Variants in HMGB1 observed in about 807,000 individuals in gnomAD.
HMGB1 encodes the protein high mobility group box 1, also known as high mobility group protein B1.
For synonymous variants in HMGB1, 81 were observed against 84.0 expected (o/e 0.96, Z 0.19); for missense variants, 79 against 253.5 (o/e 0.31, Z 4.67).
At chr13:30,553,941 C>T in intron 1 of HMGB1, 1 of 1,463,846 alleles carries the variant, frequency 6.8e-7, no homozygotes, top group Non-Finnish European at 9.6e-7. Context: ...GGGTCCACTT[C>T]CTAACATGTG....
intron 1 of HMGB1, among the ~76,000 whole-genome samples, chr13:30,552,059 C>G (rs1459562966): frequency 6.6e-6 from 1 of 152,128 alleles, no homozygotes; most frequent in Non-Finnish European, 1.5e-5. Flanking sequence ...ACAAGCCCAT[C>G]CCAGACTGCT....
At chr13:30,545,786 C>T (rs1326970609) in intron 1 of HMGB1, among the ~76,000 whole-genome samples, 1 of 152,116 alleles carries the variant, frequency 6.6e-6, no homozygotes, top group Middle Eastern at 3.2e-3. Flanking sequence ...GCCTCAACCT[C>T]CTGGGCTCAA....
chr13:30,499,956 G>T (rs1460461236), intron 1 of HMGB1, among the ~76,000 whole-genome samples: 1 of 152,180 alleles, frequency 6.6e-6, no homozygotes, highest in Non-Finnish European at 1.5e-5. Flanking sequence ...TGTCTTGGAA[G>T]CTTAATTGCC....
In HMGB1 at chr13:30,460,034, TAAGAA is replaced by T; in HGVS notation, c.*1318_*1322del. On this transcript the variant is annotated 3_prime_UTR_variant, in exon 5 of 5. Transcript: ENST00000341423. The stretch of plus-strand genomic sequence containing the variant: ...ACGCTATTTTAAAATACTGGCACTT[TAAGAA>T]AACGATAATCTCGAAAACCACAAAA... 6.6e-6 allele frequency: 1 copy of T among 152,592 alleles called. No homozygotes were observed. Among genetic ancestry groups the T allele is most frequent in the Non-Finnish European group, 1.5e-5 (1 of 67,994 alleles). The allele number at this position is 152,592 out of a possible 1,614,324, so 9.5% of individuals were successfully genotyped here.
intron 1 of HMGB1, among the ~76,000 whole-genome samples, chr13:30,554,982 G>T (rs1356700135): frequency 1.3e-5 from 2 of 148,880 alleles, no homozygotes; most frequent in Non-Finnish European, 3.0e-5. Flanking sequence ...GGTATGAGGA[G>T]CACCCACCAG....
chr13:30,539,504 A>C (rs950227023), intron 1 of HMGB1: 1 of 240,392 alleles, frequency 4.2e-6, no homozygotes, highest in Non-Finnish European at 8.0e-6. Flanking sequence ...ACTACGAAGG[A>C]AGGAAAAATA....
chr13:30,523,723 A>C (rs1386730086), intron 1 of HMGB1, among the ~76,000 whole-genome samples: 1 of 142,804 alleles, frequency 7.0e-6, no homozygotes. Context: ...TTCATTTGGC[A>C]TTTGTTTTTG....
At chr13:30,467,326 T>C (rs536371634), upstream of HMGB1, among the ~76,000 whole-genome samples, 1 of 152,258 alleles carries the variant, frequency 6.6e-6, no homozygotes, top group African/African-American at 2.4e-5. Flanking sequence ...TCGTGTTAAT[T>C]TGATTTTTTA....
At chr13:30,581,845 A>G (rs1021820386) in intron 1 of HMGB1, among the ~76,000 whole-genome samples, 2 of 152,190 alleles carry the variant, frequency 1.3e-5, no homozygotes, top group Non-Finnish European at 2.9e-5. Flanking sequence ...CCATGCTTCT[A>G]TACCTGGTTC....
chr13:30,555,033 G>GTTTTTTTTTTTTT (rs1007919529), intron 1 of HMGB1, among the ~76,000 whole-genome samples: 2 of 72,412 alleles, frequency 2.8e-5, no homozygotes, highest in African/African-American at 5.7e-5. Context: ...GTGTCGTTGT[G>GTTTTTTTTTTTTT]TTTTTTTTTT....
intron 1 of HMGB1, among the ~76,000 whole-genome samples, chr13:30,486,409 C>A (rs1033952821): frequency 1.3e-5 from 2 of 152,196 alleles, no homozygotes; most frequent in African/African-American, 4.8e-5. Flanking sequence ...CATTTGCCGG[C>A]TCTGGGGGAG....
intron 1 of HMGB1, among the ~76,000 whole-genome samples, chr13:30,476,548 T>C (rs1887102485): frequency 6.6e-6 from 1 of 152,150 alleles, no homozygotes; most frequent in South Asian, 2.1e-4. Flanking sequence ...GTGTCTCCCA[T>C]GTGCTAAGCA....
rs1566025261 is a variant in HMGB1 at position 30,559,985 on chromosome 13, G to A, written c.-15+56686C>T. On this transcript the variant is annotated intron_variant, in intron 1 of 4. Coordinates refer to the HMGB1 transcript ENST00000405805. This position sits in a 1 kb window ranked among gnomAD's most constrained non-coding sequence, Gnocchi z 6.6. ...GATGTCACGTGTTTCTCACCATTGA[G>A]ACCCCCAAGGCACCCCCTCCCAGCA... Among the ~76,000 whole-genome samples, 1 of 152,098 alleles carries A rather than the reference G, an allele frequency of 6.6e-6. No homozygotes were observed. Among genetic ancestry groups the A allele is most frequent in the Admixed American group, 6.5e-5 (1 of 15,270 alleles).
intron 1 of HMGB1, chr13:30,465,040 G>T: frequency 2.2e-6 from 1 of 446,310 alleles, no homozygotes; most frequent in East Asian, 1.6e-4. Flanking sequence ...GAGAACGCGG[G>T]GCTGTGAAAA....
At chr13:30,468,682 T>G (rs1886855876), upstream of HMGB1, among the ~76,000 whole-genome samples, 2 of 152,238 alleles carry the variant, frequency 1.3e-5, no homozygotes, top group Non-Finnish European at 2.9e-5. Context: ...AACCACCACT[T>G]GCAGGCAATT....
intron 1 of HMGB1, among the ~76,000 whole-genome samples, chr13:30,487,529 CTA>C (rs1230551157): frequency 6.6e-6 from 1 of 152,194 alleles, no homozygotes; most frequent in African/African-American, 2.4e-5. Context: ...TTCTACCAAC[CTA>C]TATATAAACT....
intron 1 of HMGB1, among the ~76,000 whole-genome samples, chr13:30,506,172 T>C (rs1169328838): frequency 1.2e-4 from 18 of 152,054 alleles, no homozygotes; most frequent in Non-Finnish European, 2.2e-4. Flanking sequence ...CCTTCCCAGG[T>C]GGCAGCATCA....
chr13:30,552,157 G>A (rs1226395813), intron 1 of HMGB1, among the ~76,000 whole-genome samples: 1 of 151,942 alleles, frequency 6.6e-6, no homozygotes, highest in Non-Finnish European at 1.5e-5. Flanking sequence ...TAAGATTAGT[G>A]CAATAAACAC....
chr13:30,606,437 G>A (rs1231730500), intron 1 of HMGB1, among the ~76,000 whole-genome samples: 1 of 147,228 alleles, frequency 6.8e-6, no homozygotes, highest in Non-Finnish European at 1.5e-5. Flanking sequence ...TCATAGGAGA[G>A]CATGTCTTAA....
Sources: allele counts gnomAD v4.1 joint callset (sites outside exome capture counted in the v4.1 genomes callset), GRCh38; gene constraint gnomAD v4.1.1; non-coding constraint Gnocchi (gnomAD v3.1); transcripts MANE v1.5; gene names NCBI Gene and HGNC (gene_info 2026-07-23, HGNC 2026-07-21).